Variants in ALG9 observed in about 807,000 individuals in gnomAD.
ALG9 encodes alpha-1,2-mannosyltransferase ALG9.
In ALG9, 55 loss-of-function variants were observed where a neutral mutation model predicts 81.8. The observed-to-expected ratio is 0.67, with a 90% CI of 0.54 to 0.84. The LOEUF (loss-of-function observed/expected upper bound fraction) is 0.84, where lower values mean the gene tolerates loss of function less well. ALG9 is among the 40% of genes least tolerant of loss of function. The probability of loss-of-function intolerance (pLI) is 0.00; values close to 1 mark genes in which losing one functional copy is unlikely to be tolerated. For missense variants in ALG9, 629 were observed against 745.0 expected (o/e 0.84, Z 1.81); for synonymous variants, 278 against 274.3 (o/e 1.01, Z -0.13).
At chr11:111,788,686 G>A (rs1355738560) in intron 14 of ALG9, 1 of 350,194 alleles carries the variant, frequency 2.9e-6, no homozygotes, top group Admixed American at 4.0e-5. Context: ...CCAGGAGGTT[G>A]AGGCTGCAGT....
chr11:111,811,037 C>T (rs954161124), intron 13 of ALG9, among the ~76,000 whole-genome samples: 1 of 152,056 alleles, frequency 6.6e-6, no homozygotes, highest in Non-Finnish European at 1.5e-5. Flanking sequence ...TCATTCATCA[C>T]AATGATATAA....
intron 9 of ALG9, among the ~76,000 whole-genome samples, chr11:111,843,516 TTA>T (rs1440896646): frequency 6.6e-6 from 1 of 152,204 alleles, no homozygotes; most frequent in African/African-American, 2.4e-5. Flanking sequence ...TCTAATATTC[TTA>T]TAATACAACG....
intron 6 of ALG9, among the ~76,000 whole-genome samples, chr11:111,856,613 A>G (rs910035091): frequency 6.6e-6 from 1 of 150,926 alleles, no homozygotes; most frequent in Admixed American, 6.6e-5. Flanking sequence ...ACCTTATACA[A>G]TCTGGTACTT....
intron 14 of ALG9, among the ~76,000 whole-genome samples, chr11:111,791,685 A>G (rs1555070524): frequency 6.6e-6 from 1 of 152,234 alleles, no homozygotes; most frequent in East Asian, 1.9e-4. Flanking sequence ...CAAAAATACA[A>G]GTTCCTCCTA....
At chr11:111,835,398 T>C (rs1955068832) in intron 13 of ALG9, among the ~76,000 whole-genome samples, 1 of 152,224 alleles carries the variant, frequency 6.6e-6, no homozygotes, top group South Asian at 2.1e-4. Flanking sequence ...GATCTCAGAA[T>C]GTGTAAAGAC....
chr11:111,871,084 G>A (rs1964158383), intron 1 of ALG9: 2 of 1,201,832 alleles, frequency 1.7e-6, no homozygotes, highest in African/African-American at 1.6e-5. Flanking sequence ...TCCCACAGAG[G>A]CTGTGCCCAC....
intron 8 of ALG9, among the ~76,000 whole-genome samples, chr11:111,845,577 T>C (rs1469720663): frequency 6.6e-6 from 1 of 152,176 alleles, no homozygotes; most frequent in East Asian, 1.9e-4. Context: ...TATTTTTTAT[T>C]CTTTAACTCA....
chr11:111,809,947 G>A (rs1950472462), intron 13 of ALG9, among the ~76,000 whole-genome samples, 174 bp from the exon 14 acceptor site: 1 of 151,968 alleles, frequency 6.6e-6, no homozygotes, highest in Non-Finnish European at 1.5e-5. Context: ...GGCTCTTGTG[G>A]GGGAGAGGCA....
chr11:111,857,375 C>T (rs185245346), intron 6 of ALG9, among the ~76,000 whole-genome samples: 25 of 152,228 alleles, frequency 1.6e-4, no homozygotes, highest in African/African-American at 5.3e-4. Flanking sequence ...ATAAGGTTTA[C>T]GAAGGGTTTC....
At chr11:111,864,219 C>A (rs544509875) in intron 4 of ALG9, 166 of 728,602 alleles carry the variant, frequency 2.3e-4, no homozygotes, top group Non-Finnish European at 4.1e-4. Context: ...CCACGACCCA[C>A]CAACCCACGA....
At chr11:111,816,670 G>C (rs1231631344) in intron 13 of ALG9, among the ~76,000 whole-genome samples, 1 of 152,082 alleles carries the variant, frequency 6.6e-6, no homozygotes, top group Admixed American at 6.6e-5. Flanking sequence ...GATCTTCCCA[G>C]CTCAGCTTCC....
At chr11:111,796,526 G>A (rs1051232286) in intron 14 of ALG9, among the ~76,000 whole-genome samples, 7 of 152,048 alleles carry the variant, frequency 4.6e-5, no homozygotes, top group Non-Finnish European at 1.0e-4. Context: ...AATGAAAAAA[G>A]GTTTATTCTT....
chr11:111,864,607 A>G (rs1246847257), intron 4 of ALG9: 1 of 502,988 alleles, frequency 2.0e-6, no homozygotes, highest in African/African-American at 2.0e-5. Context: ...AGTCTTTAAC[A>G]TCTACCTCTC....
rs377659926 is a variant in ALG9, at chr11:111,821,780, C to T, written c.1603-12007G>A. On this transcript the variant is annotated intron_variant, in intron 13 of 14. Coordinates refer to ENST00000616540, the MANE Select transcript of ALG9 (RefSeq NM_024740.2). ...CCTCCTGAGTAGCTGGGACTACAGG[C>T]GCCTGTCACCACGCCCAGCTAATTT... 5.9e-5 allele frequency among the ~76,000 whole-genome samples: 9 copies of T among 152,020 alleles called. No homozygotes were observed. In the East Asian group the frequency reaches 1.2e-3, roughly 20 times the overall value.
chr11:111,817,213 G>A (rs182005964), intron 13 of ALG9: 8 of 152,304 alleles, frequency 5.3e-5, no homozygotes, highest in African/African-American at 1.9e-4. Context: ...CAGCCAAGGA[G>A]TAAGATGATA....
chr11:111,871,404 G>A lies in ALG9; in HGVS notation c.79C>T (p.Leu27=). The A allele has an allele frequency of 6.5e-7, 1 of 1,535,286 alleles. No homozygotes were observed. ...TCTCGGCTGCCCAGCAGCTCCCGCA[G>A]CTTGTCCGCAGCCGGGGCCGTATCC... ...SGDTAPAADK[L]RELLGSREAG... is the part of the protein sequence containing the mutation. The change falls in exon 1 of 15, where the codon CTG becomes TTG. Residue 27 remains leucine (L), a synonymous_variant. Transcript: ENST00000616540.
chr11:111,800,468 G>A (rs1211533352), intron 14 of ALG9, among the ~76,000 whole-genome samples: 11 of 151,846 alleles, frequency 7.2e-5, no homozygotes, highest in Non-Finnish European at 1.5e-4. Context: ...GTGACAGAGC[G>A]AGACTCCGTC....
At chr11:111,833,152 C>T (rs1242778820) in intron 13 of ALG9, among the ~76,000 whole-genome samples, 1 of 152,196 alleles carries the variant, frequency 6.6e-6, no homozygotes, top group Non-Finnish European at 1.5e-5. Flanking sequence ...TCCAAGGTTT[C>T]ATCCATTGAC....
chr11:111,831,772 G>A (rs1954415702), intron 13 of ALG9, among the ~76,000 whole-genome samples: 1 of 152,070 alleles, frequency 6.6e-6, no homozygotes, highest in Non-Finnish European at 1.5e-5. Context: ...TCTTTTTACT[G>A]GTTAAACTGG....
Sources: gnomAD v4.1 joint callset for allele counts (sites outside exome capture counted in the v4.1 genomes callset) on GRCh38, gnomAD v4.1.1 for gene constraint, MANE v1.5 for transcripts, NCBI Gene and HGNC (gene_info 2026-07-23, HGNC 2026-07-21) for gene names.